The following RAB9B variants were observed in gnomAD, a reference collection of about 807,000 sequenced individuals.
RAB9B encodes the protein ras-related protein Rab-9B.
Under a neutral mutation model 8.9 loss-of-function variants are expected in RAB9B, and 1 was observed. The observed-to-expected ratio is 0.11, with a 90% confidence interval of 0.04 to 0.53. The LOEUF (loss-of-function observed/expected upper bound fraction) is 0.53. Ranked by LOEUF, RAB9B falls within the 20% of genes least tolerant of loss-of-function variation. The probability of loss-of-function intolerance (pLI) is 0.93; values close to 1 mark genes in which losing one functional copy is unlikely to be tolerated. For missense variants in RAB9B, 82 were observed against 152.9 expected, an observed-to-expected ratio of 0.54 and a Z score of 2.45; for synonymous variants, 63 against 57.0, an observed-to-expected ratio of 1.10 and a Z score of -0.47.
the RAB9B span, chrX:103,776,965 C>T: frequency 1.5e-3 from 1,779 of 1,197,630 alleles, 10 homozygotes; most frequent in East Asian, 0.023. Context: ...ACTAGCCAGC[C>T]GGCTACAATT....
the RAB9B span, among the ~76,000 whole-genome samples, chrX:103,799,423 A>G: frequency 8.9e-6 from 1 of 111,940 alleles, no homozygotes; most frequent in Non-Finnish European, 1.9e-5. Flanking sequence ...ATATTAATAA[A>G]ACTTTATTCT....
At chrX:103,807,679 C>T in the RAB9B span, among the ~76,000 whole-genome samples, 12 of 112,259 alleles carry the variant, frequency 1.1e-4, no homozygotes, top group East Asian at 2.5e-3. Context: ...CACAACTAGA[C>T]AGAGAGAAGC....
the RAB9B span, among the ~76,000 whole-genome samples, chrX:103,807,761 A>G: frequency 9.0e-6 from 1 of 111,215 alleles, no homozygotes; most frequent in African/African-American, 3.3e-5. Context: ...AGTCCCCAAA[A>G]CCCAGGGACT....
At chrX:103,827,229 T>C (rs1025542276) in intron 1 of RAB9B, among the ~76,000 whole-genome samples, 151 bp from the exon 2 acceptor site, 2 of 110,510 alleles carry the variant, frequency 1.8e-5, no homozygotes, top group African/African-American at 6.5e-5. Context: ...AAAATAAAAG[T>C]TCAAAATGCT....
At chrX:103,826,291 G>A (rs1042211582) in intron 2 of RAB9B, among the ~76,000 whole-genome samples, 4 of 112,141 alleles carry the variant, frequency 3.6e-5, no homozygotes, top group South Asian at 7.4e-4. Flanking sequence ...TGATTCTGTC[G>A]GTAGAGGTCT....
At chrX:103,776,704 G>T in the RAB9B span, 6 of 316,792 alleles carry the variant, frequency 1.9e-5, no homozygotes, top group Non-Finnish European at 3.3e-5. Flanking sequence ...GCAGTGAAAG[G>T]CAGAAAGAGA....
At chrX:103,780,268 A>G in the RAB9B span, 1 of 112,467 alleles carries the variant, frequency 8.9e-6, no homozygotes, top group Admixed American at 9.4e-5. Context: ...CCTGAGGAAC[A>G]AGGTATGGCT....
the RAB9B span, chrX:103,789,156 A>G: frequency 4.0e-6 from 2 of 496,875 alleles, no homozygotes; most frequent in South Asian, 2.7e-5. Context: ...GCCAGGTGCT[A>G]TGGTGTACAC....
chrX:103,803,464 T>C, the RAB9B span, among the ~76,000 whole-genome samples: 1 of 112,910 alleles, frequency 8.9e-6, no homozygotes, highest in Admixed American at 9.3e-5. Flanking sequence ...ATGTTAAACA[T>C]CTTTTCATGT....
chrX:103,793,260 A>G, the RAB9B span, among the ~76,000 whole-genome samples: 1 of 111,613 alleles, frequency 9.0e-6, no homozygotes, highest in African/African-American at 3.3e-5. Context: ...CCCTTTCACA[A>G]CCCTAGGTTA....
chrX:103,782,807 G>GGC, the RAB9B span, among the ~76,000 whole-genome samples: 1 of 110,226 alleles, frequency 9.1e-6, no homozygotes, highest in Non-Finnish European at 1.9e-5. Flanking sequence ...CCACCCCCCG[G>GGC]CTGCAGGCCC....
chrX:103,812,650 TC>T, the RAB9B span, among the ~76,000 whole-genome samples: 5 of 112,115 alleles, frequency 4.5e-5, no homozygotes, highest in African/African-American at 1.6e-4. Context: ...TCTCAGTAGT[TC>T]CTAGGGTTAC....
At chrX:103,801,009 T>G in the RAB9B span, among the ~76,000 whole-genome samples, 1 of 111,333 alleles carries the variant, frequency 9.0e-6, no homozygotes, top group African/African-American at 3.3e-5. Context: ...ATAAAAGAAG[T>G]GATAGTTTTC....
the RAB9B span, among the ~76,000 whole-genome samples, chrX:103,815,834 TTGCTA>T: frequency 9.0e-6 from 1 of 111,580 alleles, no homozygotes; most frequent in South Asian, 3.8e-4. Flanking sequence ...CCATTCACCA[TTGCTA>T]CAAAGAGAAT....
Position 103,825,227 on chromosome X carries a change from G to A in RAB9B, c.558C>T (p.His186=). Residue 186 remains histidine (H), a synonymous_variant, in exon 3 of 3, where the codon CAC becomes CAT. Transcript: ENST00000243298. ...TGGAGCCACTGTTCAAGTCAATGGT[G>A]TGACCCAACATGCAATGCTCCAGCT... ...EEQLEHCMLG[H]TIDLNSGSKA... The A allele has an allele frequency of 8.3e-7, 1 of 1,211,222 alleles. No individual in the cohort carries two copies. Among genetic ancestry groups the A allele is most frequent in the Non-Finnish European group, 1.1e-6 (1 of 895,334 alleles).
the RAB9B span, among the ~76,000 whole-genome samples, chrX:103,804,862 G>A: frequency 9.0e-6 from 1 of 111,081 alleles, no homozygotes; most frequent in Non-Finnish European, 1.9e-5. Context: ...TGTTGATCTT[G>A]TGTCCCGCTG....
chrX:103,817,516 C>T (rs768287597), downstream of RAB9B, among the ~76,000 whole-genome samples: 3 of 109,604 alleles, frequency 2.7e-5, no homozygotes, highest in Non-Finnish European at 5.7e-5. Context: ...CACCATGGCA[C>T]GTGTATACCT....
Position 103,823,116 on chromosome X carries a change from G to C in RAB9B, c.*2063C>G, listed in dbSNP as rs1003784896. 1 of 111,365 alleles carries C rather than the reference G, an allele frequency of 9.0e-6. No homozygotes were observed. Among genetic ancestry groups the C allele is most frequent in the Non-Finnish European group, 1.9e-5 (1 of 53,063 alleles). The allele number at this position is 111,365 out of a possible 1,213,427, so 9.2% of individuals were successfully genotyped here. A position where few individuals can be genotyped will look rare whatever the true frequency, so the allele number is the denominator to read the frequency against. On this transcript the variant is annotated 3_prime_UTR_variant, in exon 3 of 3. Transcript: ENST00000243298. The stretch of plus-strand genomic sequence containing the variant: ...CTACAAATAGAAACTAGTATAAGCA[G>C]AGTGCAAGTAGAAAGAGAAGGCCCC...
At chrX:103,809,462 G>A in the RAB9B span, among the ~76,000 whole-genome samples, 4 of 111,553 alleles carry the variant, frequency 3.6e-5, no homozygotes, top group Admixed American at 9.5e-5. Context: ...CACCACACCC[G>A]GCTAATTTTG....
Sources: allele counts gnomAD v4.1 joint callset (sites outside exome capture counted in the v4.1 genomes callset), GRCh38; gene constraint gnomAD v4.1.1; transcripts MANE v1.5; gene names NCBI Gene and HGNC (gene_info 2026-07-23, HGNC 2026-07-21).